The following SGCZ variants were observed in gnomAD, a reference collection of about 807,000 sequenced individuals.
The protein encoded by SGCZ is sarcoglycan zeta, also known as zeta-sarcoglycan.
SGCZ carries 40 observed loss-of-function variants against 41.3 expected under a neutral mutation model. The observed-to-expected ratio is 0.97, with a 90% CI of 0.75 to 1.26. The LOEUF is 1.26. SGCZ is among the 50% of genes most tolerant of loss of function. SGCZ has a pLI of 0.00. For missense variants in SGCZ, 552 were observed against 369.8 expected (o/e 1.49, Z -4.04); for synonymous variants, 206 against 137.5 (o/e 1.50, Z -3.49).
chr8:15,050,446 G>C (rs1804471717), intron 1 of SGCZ, among the ~76,000 whole-genome samples: 1 of 152,144 alleles, frequency 6.6e-6, no homozygotes, highest in Non-Finnish European at 1.5e-5. Context: ...ATTGAGCTTA[G>C]GCATAGGATC....
chr8:15,065,415 AATTATTATTATTATT>A lies in SGCZ; in HGVS notation c.39+172155_39+172169del, dbSNP rs200765691. On this transcript the variant is annotated intron_variant, in intron 1 of 7. Transcript: ENST00000382080. ...GGCATCACTTATCACATGGTATTGT[AATTATTATTATTATT>A]ATTATTATTATTATTATTATTATTA... 3.5e-3 allele frequency among the ~76,000 whole-genome samples: 477 copies of A among 137,466 alleles called. 3 individuals carry two copies. The highest frequency in any genetic ancestry group is 0.011 in the African/African-American group (426 of 37,286). 90.2% of individuals were successfully genotyped at this position (137,466 alleles called of 152,430 possible).
At chr8:15,155,746 T>C (rs1275100440) in intron 1 of SGCZ, among the ~76,000 whole-genome samples, 1 of 151,934 alleles carries the variant, frequency 6.6e-6, no homozygotes, top group Non-Finnish European at 1.5e-5. Flanking sequence ...GCAGAAAAAA[T>C]GTATATAGCT....
intron 1 of SGCZ, among the ~76,000 whole-genome samples, chr8:14,889,088 A>T (rs1353991172): frequency 6.6e-6 from 1 of 152,184 alleles, no homozygotes; most frequent in African/African-American, 2.4e-5. Context: ...TAATTGGCAT[A>T]ATACTCCTGG....
At chr8:15,093,268 A>AG (rs34050442) in intron 1 of SGCZ, among the ~76,000 whole-genome samples, 1 of 152,134 alleles carries the variant, frequency 6.6e-6, no homozygotes, top group Non-Finnish European at 1.5e-5. Flanking sequence ...CACACTTGTA[A>AG]GCATTAGCCA....
intron 4 of SGCZ, among the ~76,000 whole-genome samples, chr8:14,174,621 A>G (rs1397830487): frequency 1.3e-5 from 2 of 152,148 alleles, no homozygotes; most frequent in Non-Finnish European, 2.9e-5. Context: ...AAAAAGAAAC[A>G]ACACTGAGAA....
chr8:14,995,175 A>T (rs13278000), intron 1 of SGCZ, among the ~76,000 whole-genome samples: 1 of 152,094 alleles, frequency 6.6e-6, no homozygotes, highest in Admixed American at 6.5e-5. Context: ...GAGACACTGA[A>T]GTATATTTAT....
At chr8:14,741,704 T>C (rs2244329) in intron 1 of SGCZ, among the ~76,000 whole-genome samples, 68,451 of 151,856 alleles carry the variant, frequency 0.45, 16,183 homozygotes, top group Non-Finnish European at 0.53. Context: ...GATATTTTTC[T>C]AAATTGCTTT....
intron 1 of SGCZ, among the ~76,000 whole-genome samples, chr8:15,022,484 C>T (rs1330871917): frequency 3.9e-5 from 6 of 152,120 alleles, no homozygotes; most frequent in Non-Finnish European, 8.8e-5. Flanking sequence ...GCTGGGACTA[C>T]AGGCATGAGC....
At chr8:15,158,230 T>A (rs942258840) in intron 1 of SGCZ, among the ~76,000 whole-genome samples, 1 of 152,066 alleles carries the variant, frequency 6.6e-6, no homozygotes, top group African/African-American at 2.4e-5. Context: ...CTCCTCCATA[T>A]CACCCCATAC....
intron 2 of SGCZ, among the ~76,000 whole-genome samples, chr8:14,384,218 C>A (rs10283340): frequency 6.6e-6 from 1 of 151,724 alleles, no homozygotes; most frequent in Non-Finnish European, 1.5e-5. Flanking sequence ...ATGCGGTGTT[C>A]GGTTTTTTGT....
intron 4 of SGCZ, among the ~76,000 whole-genome samples, chr8:14,195,312 ACAG>A (rs1805232965): frequency 1.3e-5 from 2 of 152,262 alleles, no homozygotes; most frequent in South Asian, 4.1e-4. Flanking sequence ...AAAAGGGTTG[ACAG>A]CAGATTAGAC....
intron 2 of SGCZ, among the ~76,000 whole-genome samples, chr8:14,424,408 T>C (rs966071253): frequency 1.3e-5 from 2 of 152,206 alleles, no homozygotes; most frequent in East Asian, 1.9e-4. Flanking sequence ...GGGTCTTCCA[T>C]CTATGTGCTA....
intron 2 of SGCZ, among the ~76,000 whole-genome samples, 155 bp downstream of exon 2, chr8:14,554,577 T>A (rs550609556): frequency 6.6e-6 from 1 of 152,174 alleles, no homozygotes; most frequent in South Asian, 2.1e-4. Context: ...ACCTACTGAA[T>A]GTATTCTTAA....
At chr8:14,979,143 A>G (rs1407090539) in intron 1 of SGCZ, among the ~76,000 whole-genome samples, 1 of 152,224 alleles carries the variant, frequency 6.6e-6, no homozygotes. Flanking sequence ...ATGAAAAACA[A>G]TGGAAAATAT....
Position 15,226,542 on chromosome 8 carries a change from C to T in SGCZ, c.39+11043G>A, listed in dbSNP as rs77132535. Among the ~76,000 whole-genome samples the T allele has an allele frequency of 7.8e-3, 1,184 of 152,184 alleles. 15 individuals are homozygous for T. Among genetic ancestry groups the T allele is most frequent in the African/African-American group, 0.027 (1,121 of 41,526 alleles). On this transcript the variant is annotated intron_variant, in intron 1 of 7. Coordinates refer to ENST00000382080, the MANE Select transcript of SGCZ (RefSeq NM_139167.4). ...TCTTTTTCTCATTTTTGAGGGTGCC[C>T]TTAGGCATTTTTAGAGACCTCTAAA... is the stretch of plus-strand genomic sequence containing the variant.
intron 1 of SGCZ, among the ~76,000 whole-genome samples, chr8:14,823,124 A>G: frequency 6.6e-6 from 1 of 151,272 alleles, no homozygotes; most frequent in Non-Finnish European, 1.5e-5. Context: ...TGAAGCTATT[A>G]GAAATAAAAG....
At chr8:14,127,332 T>C (rs10888083) in intron 5 of SGCZ, among the ~76,000 whole-genome samples, 99,060 of 151,956 alleles carry the variant, frequency 0.65, 35,195 homozygotes, top group East Asian at 0.95. Flanking sequence ...CCCTAAATAC[T>C]GAGGAGCAAA....
Position 14,453,541 on chromosome 8 carries a change from G to A in SGCZ, c.234+101191C>T, listed in dbSNP as rs186355348. On this transcript the variant is annotated intron_variant, in intron 2 of 7. Coordinates refer to ENST00000382080, the MANE Select transcript of SGCZ (RefSeq NM_139167.4). ...AATCTGCCTGCAGGGAGAAGAAAAAGAAGCCCAAATTGTCAGTCTTCTTAT... is the reference window on the plus strand; with the variant it reads ...AATCTGCCTGCAGGGAGAAGAAAAAAAAGCCCAAATTGTCAGTCTTCTTAT... Among the ~76,000 whole-genome samples, 420 of 152,230 alleles carry A rather than the reference G, an allele frequency of 2.8e-3. 3 individuals carry two copies. Among genetic ancestry groups the A allele is most frequent in the Middle Eastern group, 6.8e-3 (2 of 294 alleles).
At chr8:14,271,314 T>A (rs1356096449) in intron 3 of SGCZ, among the ~76,000 whole-genome samples, 1 of 152,236 alleles carries the variant, frequency 6.6e-6, no homozygotes, top group Non-Finnish European at 1.5e-5. Context: ...TATCTATAAT[T>A]CAGCCTAAAA....
Sources: allele counts gnomAD v4.1 joint callset (sites outside exome capture counted in the v4.1 genomes callset), GRCh38; gene constraint gnomAD v4.1.1; transcripts MANE v1.5; gene names NCBI Gene and HGNC (gene_info 2026-07-23, HGNC 2026-07-21).